Variants in PTPRT observed in about 807,000 individuals in gnomAD.
The protein encoded by PTPRT is receptor-type tyrosine-protein phosphatase T.
A neutral mutation model predicts 176.8 loss-of-function variants in PTPRT; 56 were observed. That is an observed-to-expected ratio of 0.32 (90% CI 0.26 to 0.40). PTPRT has a LOEUF of 0.40. Ranked by LOEUF, PTPRT falls within the 10% of genes least tolerant of loss-of-function variation. The probability of loss-of-function intolerance (pLI) is 1.00; values close to 1 mark genes in which losing one functional copy is unlikely to be tolerated. For synonymous variants in PTPRT, 783 were observed against 739.0 expected (o/e 1.06, Z -0.96); for missense variants, 1,540 against 1,908.2 (o/e 0.81, Z 3.60).
intron 12 of PTPRT, among the ~76,000 whole-genome samples, chr20:42,293,849 G>A (rs2057351135): frequency 6.6e-6 from 1 of 152,134 alleles, no homozygotes; most frequent in Admixed American, 6.5e-5. Flanking sequence ...TTCTAGATAT[G>A]TGACTTCCCA....
chr20:43,024,415 C>G (rs900256227), intron 1 of PTPRT, among the ~76,000 whole-genome samples: 3 of 151,792 alleles, frequency 2.0e-5, no homozygotes, highest in Non-Finnish European at 4.4e-5. Flanking sequence ...ATGGTGAAAC[C>G]CTGTCTCTAC....
chr20:42,838,806 T>A (rs1392578930), intron 2 of PTPRT, among the ~76,000 whole-genome samples: 1 of 152,180 alleles, frequency 6.6e-6, no homozygotes, highest in Non-Finnish European at 1.5e-5. Flanking sequence ...CAATGTCTAG[T>A]GTAGTGGCCA....
intron 11 of PTPRT, among the ~76,000 whole-genome samples, chr20:42,345,392 C>T (rs200099860): frequency 8.9e-4 from 116 of 130,236 alleles, no homozygotes; most frequent in African/African-American, 2.4e-3. Flanking sequence ...CACACACACA[C>T]ATATATATAT....
At chr20:42,110,049 CTTTT>C (rs747975893) in intron 23 of PTPRT, among the ~76,000 whole-genome samples, 2 of 139,708 alleles carry the variant, frequency 1.4e-5, no homozygotes, top group South Asian at 2.3e-4. Context: ...AGGACTTTTT[CTTTT>C]TTTTTTTTTT....
At chr20:43,172,233 A>C (rs2015019295) in intron 1 of PTPRT, among the ~76,000 whole-genome samples, 1 of 152,250 alleles carries the variant, frequency 6.6e-6, no homozygotes, top group African/African-American at 2.4e-5. Context: ...ACCAGATCCC[A>C]GACAGTTCCA....
chr20:42,053,161 T>C, the PTPRT span, among the ~76,000 whole-genome samples: 1 of 152,220 alleles, frequency 6.6e-6, no homozygotes, highest in East Asian at 1.9e-4. Context: ...TGTAATTGTT[T>C]ATTGAGTGCA....
At chr20:42,712,880 A>T (rs998757435) in intron 6 of PTPRT, among the ~76,000 whole-genome samples, 4 of 152,220 alleles carry the variant, frequency 2.6e-5, no homozygotes. Flanking sequence ...AGCAATCCAA[A>T]TGCCCACCTA....
At chr20:42,536,131 C>T (rs1170184956) in intron 7 of PTPRT, among the ~76,000 whole-genome samples, 1 of 152,080 alleles carries the variant, frequency 6.6e-6, no homozygotes, top group Non-Finnish European at 1.5e-5. Flanking sequence ...GGGACAGAAA[C>T]TTGAGTGTCC....
At chr20:42,192,889 C>T (rs377505011) in intron 16 of PTPRT, among the ~76,000 whole-genome samples, 24 of 152,276 alleles carry the variant, frequency 1.6e-4, no homozygotes, top group Middle Eastern at 6.8e-3. Context: ...TCCGGCAGAA[C>T]CTGTCTGTGC....
intron 2 of PTPRT, among the ~76,000 whole-genome samples, chr20:42,829,466 A>G (rs1157222834): frequency 6.6e-6 from 1 of 152,192 alleles, no homozygotes; most frequent in Non-Finnish European, 1.5e-5. Flanking sequence ...AGTGGCTCAC[A>G]CCAGCAATCC....
chr20:42,574,750 TA>T (rs2073225709), intron 7 of PTPRT, among the ~76,000 whole-genome samples: 1 of 152,178 alleles, frequency 6.6e-6, no homozygotes, highest in African/African-American at 2.4e-5. Flanking sequence ...TCTCGAATGG[TA>T]ATCCCCACAT....
At chr20:42,581,113 C>T (rs2073363030) in intron 7 of PTPRT, among the ~76,000 whole-genome samples, 1 of 152,188 alleles carries the variant, frequency 6.6e-6, no homozygotes, top group Non-Finnish European at 1.5e-5. Flanking sequence ...GCTCCTGCCT[C>T]AGGGCCTTTG....
At chr20:42,955,075 C>T (rs1364024331) in intron 1 of PTPRT, among the ~76,000 whole-genome samples, 3 of 152,126 alleles carry the variant, frequency 2.0e-5, no homozygotes, top group African/African-American at 7.2e-5. Context: ...AGAAACGCCG[C>T]ACACTCTATC....
chr20:42,069,778 A>C (rs1473085637), downstream of PTPRT, among the ~76,000 whole-genome samples: 1 of 152,166 alleles, frequency 6.6e-6, no homozygotes, highest in Non-Finnish European at 1.5e-5. Context: ...ATGTCCTTGA[A>C]TAACTAGTTA....
chr20:42,059,678 C>T, the PTPRT span, among the ~76,000 whole-genome samples: 4 of 152,128 alleles, frequency 2.6e-5, no homozygotes, highest in Non-Finnish European at 5.9e-5. Flanking sequence ...AGTCTCCTGA[C>T]CACTTTACTG....
chr20:42,787,016 G>T (rs1272921349), intron 3 of PTPRT, among the ~76,000 whole-genome samples: 2 of 152,240 alleles, frequency 1.3e-5, no homozygotes, highest in African/African-American at 4.8e-5. Flanking sequence ...TTGGAACACA[G>T]CTGGGTCCAT....
intron 11 of PTPRT, among the ~76,000 whole-genome samples, chr20:42,339,183 C>T (rs1275077536): frequency 1.3e-5 from 2 of 152,194 alleles, no homozygotes; most frequent in Non-Finnish European, 2.9e-5. Context: ...TGATATTCAG[C>T]CTCATCAAAC....
At chr20:42,938,381 C>T (rs1401732654) in intron 1 of PTPRT, among the ~76,000 whole-genome samples, 4 of 152,200 alleles carry the variant, frequency 2.6e-5, no homozygotes, top group Non-Finnish European at 5.9e-5. Context: ...CACAGCCTAG[C>T]ATAGCTAGGG....
intron 30 of PTPRT, among the ~76,000 whole-genome samples, chr20:42,081,320 G>T (rs183438245): frequency 6.6e-5 from 10 of 152,114 alleles, no homozygotes. Flanking sequence ...GCTGCTGCTG[G>T]TCTGTGACCC....
Sources: gnomAD v4.1 joint callset for allele counts (sites outside exome capture counted in the v4.1 genomes callset) on GRCh38, gnomAD v4.1.1 for gene constraint, MANE v1.5 for transcripts, NCBI Gene and HGNC (gene_info 2026-07-23, HGNC 2026-07-21) for gene names.